Variants in RNF111 observed in about 807,000 individuals in gnomAD.
RNF111 encodes ring finger protein 111.
In RNF111, 17 loss-of-function variants were observed where a neutral mutation model predicts 95.1. That is an observed-to-expected ratio of 0.18 (90% CI 0.12 to 0.27). The LOEUF is 0.27. RNF111 is among the 10% of genes least tolerant of loss of function. The pLI, the probability that RNF111 is intolerant of heterozygous loss-of-function variation, is 1.00. For synonymous variants in RNF111, 440 were observed against 414.8 expected (o/e 1.06, Z -0.74); for missense variants, 1,189 against 1,210.4 (o/e 0.98, Z 0.26).
intron 1 of RNF111, among the ~76,000 whole-genome samples, chr15:59,022,235 C>T (rs1192040864): frequency 1.3e-5 from 2 of 152,102 alleles, no homozygotes; most frequent in Non-Finnish European, 2.9e-5. Context: ...GTGGTTTTGT[C>T]TGTTAGCTAG....
chr15:58,996,578 C>T (rs1220443215), intron 1 of RNF111, among the ~76,000 whole-genome samples: 1 of 147,818 alleles, frequency 6.8e-6, no homozygotes, highest in Non-Finnish European at 1.5e-5. Context: ...AAGACTCCAT[C>T]TCAAGAAAAA....
At chr15:59,035,274 C>T (rs1328422928) in intron 2 of RNF111, among the ~76,000 whole-genome samples, 3 of 152,138 alleles carry the variant, frequency 2.0e-5, no homozygotes, top group Non-Finnish European at 4.4e-5. Flanking sequence ...TATCATTCTG[C>T]CCCTGCCGCT....
intron 5 of RNF111, among the ~76,000 whole-genome samples, chr15:59,059,768 T>A (rs2042356007): frequency 6.6e-6 from 1 of 152,216 alleles, no homozygotes; most frequent in Non-Finnish European, 1.5e-5. Context: ...AAACTAACTT[T>A]CTTTCATTTT....
At chr15:59,018,695 A>G (rs1332362803) in intron 1 of RNF111, among the ~76,000 whole-genome samples, 1 of 152,186 alleles carries the variant, frequency 6.6e-6, no homozygotes, top group East Asian at 1.9e-4. Context: ...TTGTTTTACG[A>G]AGAAGAATCC....
At chr15:59,073,112 G>A (rs2043012811) in intron 6 of RNF111, among the ~76,000 whole-genome samples, 1 of 152,084 alleles carries the variant, frequency 6.6e-6, no homozygotes, top group African/African-American at 2.4e-5. Context: ...GGTGGAGGCT[G>A]CAGTGAGCCA....
Position 59,096,499 on chromosome 15 carries a change from A to T in RNF111, c.*1599A>T, listed in dbSNP as rs1214712706. On this transcript the variant is annotated 3_prime_UTR_variant, in exon 14 of 14. Coordinates refer to ENST00000348370, the MANE Select transcript of RNF111 (RefSeq NM_017610.8). Reference sequence around the variant, plus strand: ...AACATCTTGGAATTCAACAATAGTGATCTCACTCAAATTGACATTTGCATA... The same window carrying T: ...AACATCTTGGAATTCAACAATAGTGTTCTCACTCAAATTGACATTTGCATA... 6.4e-6 allele frequency: 1 copy of T among 157,214 alleles called. No homozygotes were observed. Among genetic ancestry groups the T allele is most frequent in the African/African-American group, 2.4e-5 (1 of 41,662 alleles). The allele number at this position is 157,214 out of a possible 1,614,324, so 9.7% of individuals were successfully genotyped here. A position where few individuals can be genotyped will look rare whatever the true frequency, so the allele number is the denominator to read the frequency against.
In RNF111 at chr15:59,031,166, T is replaced by C. The variant is rs1596139492; in HGVS notation, c.344T>C (p.Ile115Thr). The change falls in exon 2 of 14, where the codon ATA becomes ACA. Residue 115 changes from isoleucine (I) to threonine (T), a missense_variant. Around this residue, in one of 2 missense-constraint regions of RNF111, gnomAD observed 1,024 missense variants for 925.9 expected, o/e 1.11. Transcript: ENST00000348370. Reference sequence around the variant, plus strand: ...AATTGTGTTAAAGAAAACCAGGGAATATTAGGACTGAGGCAACACCTAGGG... The same window carrying C: ...AATTGTGTTAAAGAAAACCAGGGAACATTAGGACTGAGGCAACACCTAGGG... ...VQNCVKENQG[I>T]LGLRQHLGTP... 1.2e-6 allele frequency: 2 copies of C among 1,614,126 alleles called. No individual in the cohort carries two copies. Among genetic ancestry groups the C allele is most frequent in the Non-Finnish European group, 1.7e-6 (2 of 1,180,004 alleles).
chr15:59,012,826 C>T (rs1292931471), intron 1 of RNF111, among the ~76,000 whole-genome samples: 1 of 151,424 alleles, frequency 6.6e-6, no homozygotes. Flanking sequence ...GTAACCTGTG[C>T]CCCCCAGGTT....
chr15:59,064,406 G>A (rs2042567113), intron 5 of RNF111, among the ~76,000 whole-genome samples: 1 of 151,706 alleles, frequency 6.6e-6, no homozygotes. Context: ...CTTGGTGGCG[G>A]GCGCCTGTAG....
chr15:59,050,093 C>G (rs1323802289), intron 2 of RNF111, among the ~76,000 whole-genome samples: 1 of 149,966 alleles, frequency 6.7e-6, no homozygotes, highest in African/African-American at 2.5e-5. Flanking sequence ...GAGATGAAGT[C>G]TCATTCTGTT....
At chr15:59,032,855 T>C (rs1486609890) in intron 2 of RNF111, among the ~76,000 whole-genome samples, 7 of 152,202 alleles carry the variant, frequency 4.6e-5, no homozygotes, top group Non-Finnish European at 8.8e-5. Context: ...CTATCAGTGC[T>C]CTTGAGCCTG....
chr15:59,009,589 C>T (rs951952602), intron 1 of RNF111, among the ~76,000 whole-genome samples: 3 of 151,468 alleles, frequency 2.0e-5, no homozygotes, highest in Non-Finnish European at 4.4e-5. Context: ...TAATATAGAA[C>T]GATACCAAAA....
intron 2 of RNF111, among the ~76,000 whole-genome samples, chr15:59,032,190 C>T (rs2040944702): frequency 6.6e-6 from 1 of 152,206 alleles, no homozygotes; most frequent in Admixed American, 6.5e-5. Flanking sequence ...CTGCCCACCT[C>T]AGCCTCCCAA....
At chr15:59,008,519 T>G (rs2039645765) in intron 1 of RNF111, among the ~76,000 whole-genome samples, 1 of 152,150 alleles carries the variant, frequency 6.6e-6, no homozygotes. Context: ...GCACTCAGCC[T>G]ACCACCATTT....
chr15:59,013,800 T>C (rs1467694617), intron 1 of RNF111, among the ~76,000 whole-genome samples: 1 of 152,142 alleles, frequency 6.6e-6, no homozygotes, highest in East Asian at 1.9e-4. Flanking sequence ...TTTTTCTTTT[T>C]TTTTGGAGAC....
intron 2 of RNF111, among the ~76,000 whole-genome samples, chr15:59,047,970 T>C (rs1453812037): frequency 6.6e-6 from 1 of 152,082 alleles, no homozygotes; most frequent in African/African-American, 2.4e-5. Context: ...TAGGTACTGG[T>C]GAGGATGTGG....
At chr15:59,032,034 G>A (rs2040935985) in intron 2 of RNF111, among the ~76,000 whole-genome samples, 1 of 152,024 alleles carries the variant, frequency 6.6e-6, no homozygotes, top group African/African-American at 2.4e-5. Flanking sequence ...CGCCTCCTGG[G>A]TTCAAGCAAT....
At chr15:59,085,882 A>C in intron 10 of RNF111, 97 bp downstream of exon 10, 1 of 1,058,250 alleles carries the variant, frequency 9.4e-7, no homozygotes, top group Non-Finnish European at 1.3e-6. Flanking sequence ...TAGATGTTTT[A>C]ATAGAATTTG....
intron 13 of RNF111, 34 bp downstream of exon 13, chr15:59,092,674 C>A: frequency 6.4e-7 from 1 of 1,561,552 alleles, no homozygotes; most frequent in Non-Finnish European, 8.7e-7. Flanking sequence ...AATCCATTGT[C>A]AAAACTGTAC....
Sources: allele counts gnomAD v4.1 joint callset (sites outside exome capture counted in the v4.1 genomes callset), GRCh38; gene constraint gnomAD v4.1.1; regional missense constraint gnomAD v4.1.1; transcripts MANE v1.5; gene names NCBI Gene and HGNC (gene_info 2026-07-23, HGNC 2026-07-21).